Variants in SDK1 observed in about 807,000 individuals in gnomAD.
The protein encoded by SDK1 is sidekick cell adhesion molecule 1, also known as protein sidekick-1.
A neutral mutation model predicts 245.5 loss-of-function variants in SDK1; 157 were observed. That is an observed-to-expected ratio of 0.64 (90% CI 0.56 to 0.73). SDK1 has a LOEUF of 0.73. SDK1 is among the 30% of genes least tolerant of loss of function. The pLI is 0.00. For missense variants in SDK1, 3,583 were observed against 3,002.3 expected, an observed-to-expected ratio of 1.19 and a Z score of -4.52; for synonymous variants, 1,647 against 1,278.5, an observed-to-expected ratio of 1.29 and a Z score of -6.15.
chr7:4,111,327 C>A (rs1241269156), intron 23 of SDK1, among the ~76,000 whole-genome samples: 1 of 152,180 alleles, frequency 6.6e-6, no homozygotes, highest in African/African-American at 2.4e-5. Context: ...ACTGTGATCA[C>A]TTCCCGTAAG....
At chr7:3,439,404 C>T (rs1452281084) in intron 1 of SDK1, among the ~76,000 whole-genome samples, 6 of 152,146 alleles carry the variant, frequency 3.9e-5, no homozygotes, top group African/African-American at 1.4e-4. Context: ...TGTTGCGCTC[C>T]TTACAAGCCT....
chr7:3,662,461 C>T (rs1005537326), intron 4 of SDK1, among the ~76,000 whole-genome samples: 9 of 152,154 alleles, frequency 5.9e-5, no homozygotes, highest in African/African-American at 2.2e-4. Flanking sequence ...GTAGACAACT[C>T]TCCTAGATTC....
In SDK1 at chr7:3,410,536, G is replaced by C. The variant is rs139227309; in HGVS notation, c.298+108652G>C. On this transcript the variant is annotated intron_variant, in intron 1 of 44. Transcript: ENST00000404826. The stretch of plus-strand genomic sequence containing the variant: ...GTGACTGGAGCAATGTAACTACTCT[G>C]CCAAAGGTTGCATAACTCATAAGTG... Among the ~76,000 whole-genome samples the C allele has an allele frequency of 5.5e-3, 817 of 149,512 alleles. 10 individuals are homozygous for C. The highest frequency in any genetic ancestry group is 0.019 in the African/African-American group (772 of 40,254).
intron 4 of SDK1, among the ~76,000 whole-genome samples, chr7:3,650,376 C>G (rs1782974546): frequency 6.6e-6 from 1 of 152,196 alleles, no homozygotes; most frequent in South Asian, 2.1e-4. Flanking sequence ...TCCCCTAGTC[C>G]CTGGAAACCA....
chr7:3,464,713 TATAC>T (rs949040633), intron 1 of SDK1, among the ~76,000 whole-genome samples: 19 of 151,304 alleles, frequency 1.3e-4, no homozygotes, highest in African/African-American at 3.2e-4. Context: ...TATATATATA[TATAC>T]ACACACACAC....
intron 4 of SDK1, among the ~76,000 whole-genome samples, chr7:3,662,222 G>A (rs1426793110): frequency 2.0e-5 from 3 of 152,182 alleles, no homozygotes; most frequent in Non-Finnish European, 2.9e-5. Context: ...TGATGGATCA[G>A]TGTTGAAATG....
chr7:3,561,432 T>G (rs1462233179), intron 1 of SDK1, among the ~76,000 whole-genome samples: 1 of 152,144 alleles, frequency 6.6e-6, no homozygotes. Flanking sequence ...TAGGTGTGTT[T>G]CTACGTGTTA....
chr7:3,717,569 T>C (rs2098973240), intron 4 of SDK1, among the ~76,000 whole-genome samples: 2 of 152,122 alleles, frequency 1.3e-5, no homozygotes, highest in African/African-American at 4.8e-5. Flanking sequence ...AAATCACTAA[T>C]GTTGTAAATG....
intron 30 of SDK1, among the ~76,000 whole-genome samples, chr7:4,150,860 G>A (rs904691201): frequency 1.1e-4 from 16 of 152,342 alleles, no homozygotes; most frequent in South Asian, 6.2e-4. Flanking sequence ...TGACAGAGGC[G>A]AAGCACTTGC....
chr7:3,639,404 C>T (rs1240761823), intron 3 of SDK1, among the ~76,000 whole-genome samples: 2 of 152,158 alleles, frequency 1.3e-5, no homozygotes, highest in East Asian at 3.9e-4. Flanking sequence ...ATCAGCTGCT[C>T]TTAGCTTGTA....
At chr7:3,724,982 C>T (rs1236890653) in intron 4 of SDK1, among the ~76,000 whole-genome samples, 1 of 152,252 alleles carries the variant, frequency 6.6e-6, no homozygotes, top group African/African-American at 2.4e-5. Flanking sequence ...GGACAGCCAG[C>T]TCAGCTGCCT....
At chr7:4,072,041 C>A (rs1780287858) in intron 20 of SDK1, among the ~76,000 whole-genome samples, 1 of 152,262 alleles carries the variant, frequency 6.6e-6, no homozygotes, top group Non-Finnish European at 1.5e-5. Flanking sequence ...CATTTCACGG[C>A]TAAGCAGTGG....
chr7:4,222,416 T>G (rs1454641914), intron 40 of SDK1, among the ~76,000 whole-genome samples: 5 of 152,152 alleles, frequency 3.3e-5, no homozygotes, highest in Admixed American at 1.3e-4. Flanking sequence ...TGCCTCAGCC[T>G]CCCGAGTAGC....
At chr7:3,538,987 C>T (rs947604053) in intron 1 of SDK1, among the ~76,000 whole-genome samples, 1 of 152,230 alleles carries the variant, frequency 6.6e-6, no homozygotes, top group East Asian at 1.9e-4. Flanking sequence ...TGGCATGTCT[C>T]TTCAATGCAG....
chr7:3,561,854 A>C (rs957108693), intron 1 of SDK1, among the ~76,000 whole-genome samples: 8 of 152,174 alleles, frequency 5.3e-5, no homozygotes, highest in Admixed American at 3.9e-4. Flanking sequence ...TGCATTTGGA[A>C]CATGTTCTTA....
chr7:3,810,528 G>T (rs1482556575), intron 4 of SDK1, among the ~76,000 whole-genome samples: 1 of 152,132 alleles, frequency 6.6e-6, no homozygotes, highest in Admixed American at 6.5e-5. Flanking sequence ...AAGGCCCCTG[G>T]ATAAGTACAA....
chr7:3,360,883 C>G (rs1044155719), intron 1 of SDK1, among the ~76,000 whole-genome samples: 1 of 93,896 alleles, frequency 1.1e-5, no homozygotes, highest in African/African-American at 6.2e-5. Flanking sequence ...ATAGTACTGC[C>G]TATGTGTCAT....
Position 3,465,830 on chromosome 7 carries a change from C to T in SDK1, c.299-153250C>T. 1.3e-5 allele frequency among the ~76,000 whole-genome samples: 2 copies of T among 152,124 alleles called. 1 individual carries two copies. Among genetic ancestry groups the T allele is most frequent in the East Asian group, 3.8e-4 (2 of 5,196 alleles). On this transcript the variant is annotated intron_variant, in intron 1 of 44. Transcript: ENST00000404826. The stretch of plus-strand genomic sequence containing the variant: ...TTTAGGGAGTCACCTTTTGGGTTGG[C>T]CATCAGTCTAACACTCCAAGCAGCC...
At chr7:3,601,658 AATTT>A (rs1047407058) in intron 1 of SDK1, among the ~76,000 whole-genome samples, 72 of 151,366 alleles carry the variant, frequency 4.8e-4, no homozygotes, top group African/African-American at 1.6e-3. Context: ...CTTTCTTATC[AATTT>A]ATTTATTTAT....
Sources: allele counts gnomAD v4.1 joint callset (sites outside exome capture counted in the v4.1 genomes callset), GRCh38; gene constraint gnomAD v4.1.1; transcripts MANE v1.5; gene names NCBI Gene and HGNC (gene_info 2026-07-23, HGNC 2026-07-21).